The following TBC1D24 variants were observed in gnomAD, a reference collection of about 807,000 sequenced individuals.
TBC1D24 encodes TBC1 domain family member 24.
TBC1D24 carries 47 observed loss-of-function variants against 50.7 expected under a neutral mutation model. The observed-to-expected ratio is 0.93, with a 90% CI of 0.73 to 1.18. TBC1D24 has a LOEUF of 1.18. Among genes scored for constraint, TBC1D24 ranks in the 50% most tolerant of loss-of-function variants. The probability of loss-of-function intolerance (pLI) is 0.00; values close to 1 mark genes in which losing one functional copy is unlikely to be tolerated. For synonymous variants in TBC1D24, 324 were observed against 335.2 expected, an observed-to-expected ratio of 0.97 and a Z score of 0.36; for missense variants, 688 against 766.5, an observed-to-expected ratio of 0.90 and a Z score of 1.21.
chr16:2,497,788 C>T, intron 3 of TBC1D24, 61 bp downstream of exon 3: 1 of 1,500,164 alleles, frequency 6.7e-7, no homozygotes. Context: ...TGACTCTAGG[C>T]CAGCTGCTTG....
chr16:2,499,307 G>A lies in TBC1D24; in HGVS notation c.1143-50G>A, dbSNP rs1190862774. ...GGGGCCAGCGGAGGCTGCAGGAGGC[G>A]GCTGGGAGGGTGTGCAGGGTGACAG... On this transcript the variant is annotated intron_variant, in intron 4 of 7. Coordinates refer to ENST00000646147, the MANE Select transcript of TBC1D24 (RefSeq NM_001199107.2). This position sits in a 1 kb window ranked among gnomAD's most constrained non-coding sequence, Gnocchi z 4.0. 40 of 1,564,700 alleles carry A rather than the reference G, an allele frequency of 2.6e-5. No individual in the cohort carries two copies. The highest frequency in any genetic ancestry group is 3.5e-5 in the Non-Finnish European group (40 of 1,144,212).
intron 1 of TBC1D24, among the ~76,000 whole-genome samples, chr16:2,490,801 C>A (rs2065689343): frequency 6.6e-6 from 1 of 152,258 alleles, no homozygotes; most frequent in African/African-American, 2.4e-5. Flanking sequence ...CAAAGCTGCC[C>A]CGTTTCCACA....
intron 4 of TBC1D24, 87 bp downstream of exon 4, chr16:2,498,483 G>C: frequency 7.7e-7 from 1 of 1,306,360 alleles, no homozygotes; most frequent in Non-Finnish European, 1.1e-6. Flanking sequence ...CTCAAACCTC[G>C]GCACCTGGTG....
intron 1 of TBC1D24, among the ~76,000 whole-genome samples, chr16:2,489,978 G>A (rs567949675): frequency 2.0e-5 from 3 of 152,210 alleles, no homozygotes; most frequent in South Asian, 2.1e-4. Flanking sequence ...GCCCTGTAGC[G>A]CAGCCAGCCT....
chr16:2,492,182 T>G (rs1305225818), intron 1 of TBC1D24, among the ~76,000 whole-genome samples: 1 of 152,156 alleles, frequency 6.6e-6, no homozygotes, highest in East Asian at 1.9e-4. Flanking sequence ...TGTTGCCTTG[T>G]GTGCACAGCC....
rs549380273 is a variant in TBC1D24, at chr16:2,496,096, C to T, written c.-53C>T. 1.5e-5 allele frequency: 24 copies of T among 1,609,250 alleles called. No homozygotes were observed. Among genetic ancestry groups the T allele is most frequent in the East Asian group, 1.3e-4 (6 of 44,806 alleles). ...GAAAGGGGGCTGGAGGATTTAGCCA[C>T]TCTGTCCTCCCCTTCCGGCAGTCCA... On this transcript the variant is annotated 5_prime_UTR_variant, in exon 2 of 8. Coordinates refer to ENST00000646147, the MANE Select transcript of TBC1D24 (RefSeq NM_001199107.2).
rs2065823637 is a variant in TBC1D24 at position 2,504,952 on chromosome 16, G to C, written c.*3994G>C. ...TAGTCTTGCTGTGTTGCCCAGGCTA[G>C]TCTTGAACTCCTGGACTCAAGCAAT... On this transcript the variant is annotated 3_prime_UTR_variant, in exon 8 of 8. Coordinates refer to ENST00000646147, the MANE Select transcript of TBC1D24 (RefSeq NM_001199107.2). 1 of 151,942 alleles carries C rather than the reference G, an allele frequency of 6.6e-6. No individual in the cohort carries two copies. The highest frequency in any genetic ancestry group is 2.4e-5 in the African/African-American group (1 of 41,322). 9.4% of individuals were successfully genotyped at this position (151,942 alleles called of 1,614,324 possible).
intron 3 of TBC1D24, among the ~76,000 whole-genome samples, 189 bp from the exon 4 acceptor site, chr16:2,498,049 G>A (rs2065758504): frequency 6.6e-6 from 1 of 152,230 alleles, no homozygotes; most frequent in African/African-American, 2.4e-5. Context: ...TGTAATGGGT[G>A]GGAGGTGGGG....
intron 1 of TBC1D24, among the ~76,000 whole-genome samples, chr16:2,491,349 C>T (rs1165061248): frequency 2.0e-5 from 3 of 151,644 alleles, no homozygotes; most frequent in Admixed American, 2.0e-4. Flanking sequence ...ATCTGGACCT[C>T]GTTTTTATTT....
chr16:2,491,179 C>G (rs544090472), intron 1 of TBC1D24, among the ~76,000 whole-genome samples: 3 of 152,046 alleles, frequency 2.0e-5, no homozygotes, highest in African/African-American at 7.3e-5. Flanking sequence ...ATGTGAATAG[C>G]GATTATCTGT....
At position 2,483,124 on chromosome 16, in the gene TBC1D24, T is replaced by A. The variant is rs1397453096; in HGVS notation, c.-116+7954T>A. On this transcript the variant is annotated intron_variant, in intron 1 of 7. Transcript: ENST00000646147. This position sits in a 1 kb window ranked among gnomAD's most constrained non-coding sequence, Gnocchi z 4.0. Reference sequence around the variant, plus strand: ...ACTGAGGGGGGGCCTTGGTCTGTGGTGGGAATGCAGAGAGCTGGGAAGCTC... The same window carrying A: ...ACTGAGGGGGGGCCTTGGTCTGTGGAGGGAATGCAGAGAGCTGGGAAGCTC... The A allele has an allele frequency of 6.6e-6, 1 of 152,278 alleles. No individual in the cohort carries two copies. The highest frequency in any genetic ancestry group is 1.5e-5 in the Non-Finnish European group (1 of 68,298). The allele number at this position is 152,278 out of a possible 1,614,324, so 9.4% of individuals were successfully genotyped here.
At chr16:2,479,806 C>T (rs2065596809) in intron 1 of TBC1D24, 2 of 152,274 alleles carry the variant, frequency 1.3e-5, no homozygotes, top group African/African-American at 4.8e-5. Context: ...GTGTTCCCTT[C>T]TTTTTTTCTT....
At chr16:2,484,859 T>G (rs1226790181) in intron 1 of TBC1D24, 1 of 152,318 alleles carries the variant, frequency 6.6e-6, no homozygotes, top group Non-Finnish European at 1.5e-5. Context: ...TCCCAGCACG[T>G]AGGTGGGAGG....
Position 2,499,987 on chromosome 16 carries a change from C to A in TBC1D24, c.1302+57C>A. The A allele has an allele frequency of 6.7e-7, 1 of 1,496,602 alleles. No homozygotes were observed. Among genetic ancestry groups the A allele is most frequent in the Non-Finnish European group, 9.3e-7 (1 of 1,073,686 alleles). 92.7% of individuals were successfully genotyped at this position (1,496,602 alleles called of 1,614,324 possible). On this transcript the variant is annotated intron_variant, in intron 6 of 7. Coordinates refer to ENST00000646147, the MANE Select transcript of TBC1D24 (RefSeq NM_001199107.2). This position sits in a 1 kb window ranked among gnomAD's most constrained non-coding sequence, Gnocchi z 4.0. ...CGCAGACCCTGTAGCTGCATCCCTC[C>A]AGGAGCACCCGCCTGCCCTGGGGAC...
rs1483155712 is a variant in TBC1D24, at chr16:2,482,858, G to T, written c.-116+7688G>T. ...GAGGGGATGCCTGGCAGGGAGGCAG[G>T]CGGGATGAGGCCCAAGGCAGCTGGG... is the stretch of plus-strand genomic sequence containing the variant. On this transcript the variant is annotated intron_variant, in intron 1 of 7. Coordinates refer to ENST00000646147, the MANE Select transcript of TBC1D24 (RefSeq NM_001199107.2). This position sits in a 1 kb window ranked among gnomAD's most constrained non-coding sequence, Gnocchi z 5.2. 6.6e-6 allele frequency among the ~76,000 whole-genome samples: 1 copy of T among 152,232 alleles called. No individual in the cohort carries two copies. The highest frequency in any genetic ancestry group is 1.9e-4 in the East Asian group (1 of 5,194).
chr16:2,497,253 C>A, intron 2 of TBC1D24, 140 bp downstream of exon 2: 1 of 1,161,544 alleles, frequency 8.6e-7, no homozygotes, highest in Non-Finnish European at 1.2e-6. Flanking sequence ...GCTGAAAAGA[C>A]ACTGAAACAG....
chr16:2,486,087 T>C lies in TBC1D24; in HGVS notation c.-115-9947T>C, dbSNP rs973300170. ...CTCAGGAGCGGGTGGGGCCTGCCGG[T>C]CTCCCTAGCCCACCACCAGGTTTCC... is the stretch of plus-strand genomic sequence containing the variant. On this transcript the variant is annotated intron_variant, in intron 1 of 7. Coordinates refer to ENST00000646147, the MANE Select transcript of TBC1D24 (RefSeq NM_001199107.2). This position sits in a 1 kb window ranked among gnomAD's most constrained non-coding sequence, Gnocchi z 5.8. 2.6e-5 allele frequency among the ~76,000 whole-genome samples: 4 copies of C among 152,100 alleles called. No individual in the cohort carries two copies. The highest frequency in any genetic ancestry group is 5.9e-5 in the Non-Finnish European group (4 of 67,992).
At chr16:2,490,718 A>G (rs2065688730) in intron 1 of TBC1D24, among the ~76,000 whole-genome samples, 1 of 152,212 alleles carries the variant, frequency 6.6e-6, no homozygotes, top group South Asian at 2.1e-4. Context: ...AGGTTAGGGA[A>G]GATGCACGGC....
chr16:2,495,786 A>G (rs1475006766), intron 1 of TBC1D24, among the ~76,000 whole-genome samples: 1 of 152,062 alleles, frequency 6.6e-6, no homozygotes, highest in Non-Finnish European at 1.5e-5. Context: ...CTCAAAAAAA[A>G]AAATTAACTG....
Sources: gnomAD v4.1 joint callset for allele counts (sites outside exome capture counted in the v4.1 genomes callset) on GRCh38, gnomAD v4.1.1 for gene constraint, Gnocchi (gnomAD v3.1) non-coding constraint, MANE v1.5 for transcripts, NCBI Gene and HGNC (gene_info 2026-07-23, HGNC 2026-07-21) for gene names.